Variants in SMYD3 observed in about 807,000 individuals in gnomAD.
The protein encoded by SMYD3 is SET and MYND domain containing 3.
In SMYD3, 36 loss-of-function variants were observed where a neutral mutation model predicts 57.7. The observed-to-expected ratio is 0.62, with a 90% CI of 0.48 to 0.82. The LOEUF (loss-of-function observed/expected upper bound fraction) is 0.82, where lower values mean the gene tolerates loss of function less well. SMYD3 is among the 40% of genes least tolerant of loss of function. The pLI, the probability that SMYD3 is intolerant of heterozygous loss-of-function variation, is 0.00. For synonymous variants in SMYD3, 211 were observed against 195.0 expected, an observed-to-expected ratio of 1.08 and a Z score of -0.68; for missense variants, 515 against 538.8, an observed-to-expected ratio of 0.96 and a Z score of 0.44.
At chr1:246,130,564 T>C (rs2061572431) in intron 5 of SMYD3, among the ~76,000 whole-genome samples, 1 of 152,202 alleles carries the variant, frequency 6.6e-6, no homozygotes, top group Non-Finnish European at 1.5e-5. Flanking sequence ...AAACAGGGCA[T>C]TTTTGTTTTC....
Position 246,202,716 on chromosome 1 carries a change from A to C in SMYD3, c.531+124485T>G, listed in dbSNP as rs2062939738. Among the ~76,000 whole-genome samples, 1 of 152,226 alleles carries C rather than the reference A, an allele frequency of 6.6e-6. No homozygotes were observed. Among genetic ancestry groups the C allele is most frequent in the East Asian group, 1.9e-4 (1 of 5,204 alleles). ...ATATACTCCAAATCCTTTTCCATTCAATACATTATGATACCTGCTTATGCA... is the reference window on the plus strand; with the variant it reads ...ATATACTCCAAATCCTTTTCCATTCCATACATTATGATACCTGCTTATGCA... On this transcript the variant is annotated intron_variant, in intron 5 of 11. Coordinates refer to ENST00000490107, the MANE Select transcript of SMYD3 (RefSeq NM_001167740.2). The surrounding 1 kb of genome is among the most constrained non-coding windows in gnomAD (Gnocchi z 4.1).
intron 10 of SMYD3, among the ~76,000 whole-genome samples, chr1:245,783,209 C>G (rs1031007655): frequency 1.3e-5 from 2 of 152,036 alleles, no homozygotes; most frequent in African/African-American, 4.8e-5. Context: ...ATATGAGGAG[C>G]CTTCACAGAA....
chr1:245,944,750 G>C (rs2057374872), intron 5 of SMYD3, among the ~76,000 whole-genome samples: 1 of 152,142 alleles, frequency 6.6e-6, no homozygotes, highest in Non-Finnish European at 1.5e-5. Flanking sequence ...ACACTACAAG[G>C]CTACTGTAAC....
chr1:246,444,161 C>A (rs967163836), intron 1 of SMYD3, among the ~76,000 whole-genome samples: 38 of 140,954 alleles, frequency 2.7e-4, no homozygotes, highest in Admixed American at 3.7e-4. Context: ...GAGTCTCGTT[C>A]TGTCACCCAG....
chr1:245,870,999 TC>T (rs1340545076), intron 8 of SMYD3, among the ~76,000 whole-genome samples: 1 of 152,128 alleles, frequency 6.6e-6, no homozygotes. Context: ...TCCCAGTACT[TC>T]CTGTTATCCA....
chr1:246,291,272 T>C (rs566181126), intron 5 of SMYD3, among the ~76,000 whole-genome samples: 7 of 152,338 alleles, frequency 4.6e-5, no homozygotes, highest in Admixed American at 3.9e-4. Flanking sequence ...AAATTTGATG[T>C]CTTATGAGTG....
intron 5 of SMYD3, among the ~76,000 whole-genome samples, chr1:246,292,817 C>T (rs1188394655): frequency 6.6e-6 from 1 of 152,008 alleles, no homozygotes; most frequent in African/African-American, 2.4e-5. Flanking sequence ...GCTGAGCAAA[C>T]AACAGGAAGC....
chr1:246,480,388 T>C (rs959405054), intron 1 of SMYD3, among the ~76,000 whole-genome samples: 4 of 152,212 alleles, frequency 2.6e-5, no homozygotes, highest in Non-Finnish European at 4.4e-5. Flanking sequence ...AATTGAACAT[T>C]TTCTGTAACA....
At chr1:246,439,000 C>T (rs1290240177) in intron 1 of SMYD3, among the ~76,000 whole-genome samples, 1 of 151,602 alleles carries the variant, frequency 6.6e-6, no homozygotes, top group Non-Finnish European at 1.5e-5. Context: ...GGGAGTGGTA[C>T]CGGTCCTCGG....
chr1:246,087,882 A>G (rs1478152936), intron 5 of SMYD3, among the ~76,000 whole-genome samples: 1 of 152,150 alleles, frequency 6.6e-6, no homozygotes, highest in African/African-American at 2.4e-5. Flanking sequence ...AACTCTAACC[A>G]ACTACATCAT....
At chr1:245,921,572 C>CATACATACATACATACAT (rs59746333) in intron 7 of SMYD3, among the ~76,000 whole-genome samples, 1 of 139,906 alleles carries the variant, frequency 7.1e-6, no homozygotes, top group African/African-American at 2.7e-5. Flanking sequence ...TATATATATA[C>CATACATACATACATACAT]ACATACCATG....
At chr1:246,156,017 A>G (rs1159187207) in intron 5 of SMYD3, among the ~76,000 whole-genome samples, 1 of 151,936 alleles carries the variant, frequency 6.6e-6, no homozygotes, top group Admixed American at 6.6e-5. Flanking sequence ...GACCTCTAAG[A>G]ATCACATTTA....
At chr1:246,097,552 C>G (rs1224219011) in intron 5 of SMYD3, among the ~76,000 whole-genome samples, 1 of 152,108 alleles carries the variant, frequency 6.6e-6, no homozygotes, top group Non-Finnish European at 1.5e-5. Context: ...CTGTAGTACT[C>G]CAGAGTTCTC....
intron 10 of SMYD3, among the ~76,000 whole-genome samples, chr1:245,837,237 C>CA (rs5782371): frequency 0.18 from 19,413 of 110,602 alleles, 1,364 homozygotes; most frequent in South Asian, 0.26. Flanking sequence ...GCCTCTGTCT[C>CA]AAAAAAAAAA....
At chr1:245,777,568 C>T (rs1456729283) in intron 10 of SMYD3, among the ~76,000 whole-genome samples, 3 of 152,076 alleles carry the variant, frequency 2.0e-5, no homozygotes, top group African/African-American at 2.4e-5. Context: ...TGCATGTACA[C>T]AAGGGAGACC....
chr1:246,069,537 T>C (rs571439094), intron 5 of SMYD3, among the ~76,000 whole-genome samples: 55 of 152,332 alleles, frequency 3.6e-4, no homozygotes, highest in Non-Finnish European at 6.5e-4. Flanking sequence ...AGTTCCTAAA[T>C]GCATGTATGA....
At chr1:246,123,742 C>T (rs2362251) in intron 5 of SMYD3, among the ~76,000 whole-genome samples, 119,377 of 152,044 alleles carry the variant, frequency 0.79, 47,042 homozygotes, top group Admixed American at 0.86. Flanking sequence ...TTACATAAGG[C>T]AGTATGCTAA....
intron 5 of SMYD3, among the ~76,000 whole-genome samples, chr1:246,132,487 T>C (rs915493454): frequency 7.2e-5 from 11 of 152,022 alleles, no homozygotes; most frequent in African/African-American, 2.7e-4. Context: ...TTACACCATA[T>C]ACAAAAATTA....
chr1:246,450,009 C>T (rs774553835), intron 1 of SMYD3, among the ~76,000 whole-genome samples: 4 of 152,244 alleles, frequency 2.6e-5, no homozygotes, highest in Admixed American at 6.5e-5. Flanking sequence ...ATCAACAGGC[C>T]GGGCATGGTG....
Sources: gnomAD v4.1 joint callset for allele counts (sites outside exome capture counted in the v4.1 genomes callset) on GRCh38, gnomAD v4.1.1 for gene constraint, Gnocchi (gnomAD v3.1) non-coding constraint, MANE v1.5 for transcripts, NCBI Gene and HGNC (gene_info 2026-07-23, HGNC 2026-07-21) for gene names.